The following ADCYAP1 variants were observed in gnomAD, a reference collection of about 807,000 sequenced individuals.
The protein encoded by ADCYAP1 is pituitary adenylate cyclase-activating polypeptide.
A neutral mutation model predicts 18.5 loss-of-function variants in ADCYAP1; 6 were observed. The ratio of observed to expected loss-of-function variants is 0.32; its 90% CI spans 0.18 to 0.64. The LOEUF (loss-of-function observed/expected upper bound fraction) is 0.64. Ranked by LOEUF, ADCYAP1 falls within the 30% of genes least tolerant of loss-of-function variation. The pLI is 0.77. For missense variants in ADCYAP1, 314 were observed against 253.6 expected, an observed-to-expected ratio of 1.24 and a Z score of -1.62; for synonymous variants, 136 against 113.9, an observed-to-expected ratio of 1.19 and a Z score of -1.24.
chr18:910,808 C>T lies in ADCYAP1; in HGVS notation c.*1173C>T, dbSNP rs1954678428. The T allele has an allele frequency of 6.6e-6, 1 of 152,116 alleles. No homozygotes were observed. The highest frequency in any genetic ancestry group is 2.4e-5 in the African/African-American group (1 of 41,424). The allele number at this position is 152,116 out of a possible 1,614,324, so 9.4% of individuals were successfully genotyped here. ...GTTTTATGGAGACCTCTCCTTCCTACCCTCCTGCACTGTTTAAGTACTGTT... is the reference window on the plus strand; with the variant it reads ...GTTTTATGGAGACCTCTCCTTCCTATCCTCCTGCACTGTTTAAGTACTGTT... On this transcript the variant is annotated 3_prime_UTR_variant, in exon 5 of 5. Transcript: ENST00000450565.
chr18:904,839 T>A (rs1032678146), upstream of ADCYAP1: 4 of 1,286,704 alleles, frequency 3.1e-6, no homozygotes, highest in Non-Finnish European at 4.1e-6. Context: ...TCACGCTCCC[T>A]CCTGGTTCTG....
chr18:908,829 T>C (rs1909277398), intron 4 of ADCYAP1, among the ~76,000 whole-genome samples: 1 of 152,174 alleles, frequency 6.6e-6, no homozygotes, highest in African/African-American at 2.4e-5. Flanking sequence ...AGGGCTTGTG[T>C]GAAGCCTATC....
Position 908,247 on chromosome 18 carries a change from A to T in ADCYAP1, c.243-18A>T. On this transcript the variant is annotated intron_variant, in intron 3 of 4. Transcript: ENST00000450565. Reference sequence around the variant, plus strand: ...ACAGAAACAGTGACCCTGGGCGCGCACTTTGCCTCCCCGTTAGAGATGTCG... The same window carrying T: ...ACAGAAACAGTGACCCTGGGCGCGCTCTTTGCCTCCCCGTTAGAGATGTCG... 6.2e-7 allele frequency: 1 copy of T among 1,604,648 alleles called. No individual in the cohort carries two copies. The highest frequency in any genetic ancestry group is 8.5e-7 in the Non-Finnish European group (1 of 1,173,952).
At chr18:909,330 C>A (rs1425078037) in intron 4 of ADCYAP1, 116 bp from the exon 5 acceptor site, 14 of 1,023,604 alleles carry the variant, frequency 1.4e-5, no homozygotes, top group Admixed American at 6.0e-5. Flanking sequence ...GTGGGCAGTG[C>A]GAGCCCCGGG....
chr18:905,649 G>T, intron 2 of ADCYAP1, 153 bp downstream of exon 2: 1 of 937,814 alleles, frequency 1.1e-6, no homozygotes, highest in African/African-American at 1.7e-5. Flanking sequence ...CTGGACAGCG[G>T]GTCCCCATTC....
chr18:907,189 T>G (rs1040664988), intron 2 of ADCYAP1, among the ~76,000 whole-genome samples: 2 of 151,948 alleles, frequency 1.3e-5, no homozygotes, highest in African/African-American at 4.8e-5. Flanking sequence ...GGCTGAGGAG[T>G]TGGCCCCCGC....
At chr18:907,896 G>C in intron 3 of ADCYAP1, 106 bp downstream of exon 3, 2 of 1,370,800 alleles carry the variant, frequency 1.5e-6, no homozygotes, top group African/African-American at 3.1e-5. Context: ...TTTTTCCCGT[G>C]AAAGTCCTCA....
At position 907,798 on chromosome 18, in the gene ADCYAP1, T is replaced by C; in HGVS notation, c.242+8T>C. 7.0e-7 allele frequency: 1 copy of C among 1,419,594 alleles called. No individual in the cohort carries two copies. The allele number at this position is 1,419,594 out of a possible 1,614,324, so 87.9% of individuals were successfully genotyped here. ...CCGCCCGGCCGGGAGAAGGTGAGATTCGCGCGGCCTCGCGCACACCCGCGG... is the reference window on the plus strand; with the variant it reads ...CCGCCCGGCCGGGAGAAGGTGAGATCCGCGCGGCCTCGCGCACACCCGCGG... On this transcript the variant is annotated splice_region_variant and intron_variant, in intron 3 of 4. Transcript: ENST00000450565.
chr18:908,201 G>T (rs901249310), intron 3 of ADCYAP1, 64 bp from the exon 4 acceptor site: 3 of 1,450,406 alleles, frequency 2.1e-6, no homozygotes, highest in Non-Finnish European at 2.8e-6. Context: ...CAACAAGGGG[G>T]TCTCTAGCGG....
At chr18:904,816 C>A, upstream of ADCYAP1, 1 of 1,286,708 alleles carries the variant, frequency 7.8e-7, no homozygotes, top group Non-Finnish European at 1.0e-6. Flanking sequence ...CTCTGCGCCC[C>A]CTTCTCTCCG....
At chr18:907,488 G>T in intron 2 of ADCYAP1, 171 bp from the exon 3 acceptor site, 2 of 670,106 alleles carry the variant, frequency 3.0e-6, no homozygotes, top group African/African-American at 1.9e-5. Flanking sequence ...GTTGGGTGTC[G>T]TTGCCTCCTC....
chr18:905,013 C>A lies in ADCYAP1; in HGVS notation c.-49C>A, dbSNP rs1239052019. On this transcript the variant is annotated 5_prime_UTR_variant, in exon 1 of 5. Transcript: ENST00000450565. The stretch of plus-strand genomic sequence containing the variant: ...CGCAGGAACTTGAAGAAGCGCTTTG[C>A]CCGCCGTCCTACCTGGCAGCTCTCC... 1 of 1,293,858 alleles carries A rather than the reference C, an allele frequency of 7.7e-7. No individual in the cohort carries two copies. The highest frequency in any genetic ancestry group is 5.4e-5 in the East Asian group (1 of 18,582). 80.1% of individuals were successfully genotyped at this position (1,293,858 alleles called of 1,614,324 possible).
chr18:908,020 T>G, intron 3 of ADCYAP1: 3 of 803,266 alleles, frequency 3.7e-6, no homozygotes, highest in Admixed American at 3.2e-5. Flanking sequence ...GCCCAAAGAG[T>G]GGCAGTGAGT....
At chr18:905,126 C>T (rs1299996140) in intron 1 of ADCYAP1, 66 bp downstream of exon 1, 4 of 1,369,766 alleles carry the variant, frequency 2.9e-6, no homozygotes, top group East Asian at 3.0e-5. Context: ...CGCTTGGCAT[C>T]GCGTCAGGGG....
At position 907,443 on chromosome 18, in the gene ADCYAP1, G is replaced by C. The variant is rs1027618795; in HGVS notation, c.111-216G>C. 3.6e-5 allele frequency: 14 copies of C among 385,892 alleles called. No individual in the cohort carries two copies. In the African/African-American group the frequency reaches 4.1e-4, roughly 11 times the overall value. The allele number at this position is 385,892 out of a possible 1,614,324, so 23.9% of individuals were successfully genotyped here. On this transcript the variant is annotated intron_variant, in intron 2 of 4. Coordinates refer to ENST00000450565, the MANE Select transcript of ADCYAP1 (RefSeq NM_001099733.2). The stretch of plus-strand genomic sequence containing the variant: ...GCAGGACGACCCTTTACCCGCGAAG[G>C]GGGGGTGGGCGGGCCGCCCGGCGGG...
chr18:909,087 C>A (rs112210960), intron 4 of ADCYAP1, among the ~76,000 whole-genome samples: 1 of 152,120 alleles, frequency 6.6e-6, no homozygotes, highest in African/African-American at 2.4e-5. Flanking sequence ...CTGTATGTCG[C>A]GGGTGAGAGG....
rs768119719 is a variant in ADCYAP1 at position 909,674 on chromosome 18, G to T, written c.*39G>T. 2.6e-6 allele frequency: 4 copies of T among 1,563,960 alleles called. No individual in the cohort carries two copies. Among genetic ancestry groups the T allele is most frequent in the Admixed American group, 1.8e-5 (1 of 56,518 alleles). On this transcript the variant is annotated 3_prime_UTR_variant, in exon 5 of 5. Transcript: ENST00000450565. ...GCTACCCTGTGTATACAGCCCTGACGCAATGAAAAGTCGTTTTCCAAACTG... is the reference window on the plus strand; with the variant it reads ...GCTACCCTGTGTATACAGCCCTGACTCAATGAAAAGTCGTTTTCCAAACTG...
At chr18:904,695 G>C (rs552323204), upstream of ADCYAP1, 44 of 1,218,522 alleles carry the variant, frequency 3.6e-5, no homozygotes, top group African/African-American at 5.7e-4. Flanking sequence ...CTTCTTTTCT[G>C]ACTTTCCCTC....
In ADCYAP1 at chr18:909,729, C is replaced by G; in HGVS notation, c.*94C>G. 2 of 1,107,676 alleles carry G rather than the reference C, an allele frequency of 1.8e-6. No individual in the cohort carries two copies. Among genetic ancestry groups the G allele is most frequent in the Non-Finnish European group, 2.6e-6 (2 of 779,854 alleles). 68.6% of individuals were successfully genotyped at this position (1,107,676 alleles called of 1,614,324 possible). ...AACAGTCATCGCTCGTGTGTTCTAT[C>G]CAAACATGTATTTATGTAATGAAGT... On this transcript the variant is annotated 3_prime_UTR_variant, in exon 5 of 5. Transcript: ENST00000450565.
Sources: gnomAD v4.1 joint callset for allele counts (sites outside exome capture counted in the v4.1 genomes callset) on GRCh38, gnomAD v4.1.1 for gene constraint, MANE v1.5 for transcripts, NCBI Gene and HGNC (gene_info 2026-07-23, HGNC 2026-07-21) for gene names.